The following ZFHX4 variants were observed in gnomAD, a reference collection of about 807,000 sequenced individuals.
ZFHX4 encodes the protein zinc finger homeobox 4, also known as zinc finger homeobox protein 4.
ZFHX4 carries 56 observed loss-of-function variants against 267.6 expected under a neutral mutation model. That is an observed-to-expected ratio of 0.21 (90% CI 0.17 to 0.26). The LOEUF is 0.26. Ranked by LOEUF, ZFHX4 falls within the 10% of genes least tolerant of loss-of-function variation. The pLI is 1.00. For synonymous variants in ZFHX4, 1,778 were observed against 1,665.6 expected (o/e 1.07, Z -1.64); for missense variants, 4,332 against 4,420.0 (o/e 0.98, Z 0.56).
At chr8:76,741,258 A>G (rs1411213242) in intron 3 of ZFHX4, among the ~76,000 whole-genome samples, 1 of 152,234 alleles carries the variant, frequency 6.6e-6, no homozygotes, top group Non-Finnish European at 1.5e-5. Flanking sequence ...AGAGAAGTTT[A>G]GCCATGAAGC....
In ZFHX4 at chr8:76,864,271, T is replaced by C; in HGVS notation, c.10557T>C (p.Ser3519=). 6.2e-7 allele frequency: 1 copy of C among 1,613,954 alleles called. No individual in the cohort carries two copies. The highest frequency in any genetic ancestry group is 8.5e-7 in the Non-Finnish European group (1 of 1,179,862). The change falls in exon 11 of 11, where the codon TCT becomes TCC. Residue 3519 remains serine, a synonymous_variant. Coordinates refer to ENST00000651372, the MANE Select transcript of ZFHX4 (RefSeq NM_024721.5). ...CTAATAACACCTATCCTCATCTTTC[T>C]TGCTTCTCCATGAAGTCCTGGCCTA... ...ASSNNTYPHL[S]CFSMKSWPNI... is the part of the protein sequence containing the mutation.
intron 4 of ZFHX4, among the ~76,000 whole-genome samples, chr8:76,788,311 C>G (rs1810746628): frequency 6.6e-6 from 1 of 152,160 alleles, no homozygotes; most frequent in African/African-American, 2.4e-5. Flanking sequence ...TATAGGCTAG[C>G]ATTTATTCTG....
chr8:76,802,116 T>C (rs962436343), intron 4 of ZFHX4, among the ~76,000 whole-genome samples: 1 of 152,158 alleles, frequency 6.6e-6, no homozygotes, highest in Non-Finnish European at 1.5e-5. Flanking sequence ...ATAATCAGCA[T>C]TGTGAAATTG....
intron 5 of ZFHX4, among the ~76,000 whole-genome samples, chr8:76,836,537 C>T (rs72659521): frequency 0.065 from 9,870 of 151,914 alleles, 449 homozygotes; most frequent in South Asian, 0.13. Flanking sequence ...CGAAAATGTA[C>T]GTCAGAGTTT....
In ZFHX4 at chr8:76,706,475, T is replaced by C. The variant is rs1808275735; in HGVS notation, c.2387T>C (p.Met796Thr). ...MTSEKHMHNM[M>T]LLQQNMKQIQ... is the part of the protein sequence containing the mutation. ...AGCGAAAAGCACATGCATAATATGA[T>C]GCTTTTGCAGCAGAACATGAAGCAG... Residue 796 changes from methionine to threonine, a missense_variant, in exon 2 of 11, where the codon ATG (methionine) becomes ACG (threonine). Physicochemically the swap from Met to Thr is moderately conservative, Grantham distance 81. Coordinates refer to ENST00000651372, the MANE Select transcript of ZFHX4 (RefSeq NM_024721.5). 2 of 1,614,080 alleles carry C rather than the reference T, an allele frequency of 1.2e-6. No homozygotes were observed. Among genetic ancestry groups the C allele is most frequent in the Non-Finnish European group, 1.7e-6 (2 of 1,179,964 alleles).
chr8:76,863,374 A>G lies in ZFHX4; in HGVS notation c.9660A>G (p.Glu3220=). 1.2e-6 allele frequency: 2 copies of G among 1,613,962 alleles called. No homozygotes were observed. Among genetic ancestry groups the G allele is most frequent in the Non-Finnish European group, 1.7e-6 (2 of 1,179,864 alleles). The stretch of plus-strand genomic sequence containing the variant: ...CCGAAAAACACCCCAAAAAAGAGGA[A>G]AAAATCTCATCTGCTCTTTCAGTGT... ...TKPEKHPKKE[E]KISSALSVLG... The change falls in exon 11 of 11, where the codon GAA becomes GAG. Residue 3220 remains glutamate, a synonymous_variant. Coordinates refer to ENST00000651372, the MANE Select transcript of ZFHX4 (RefSeq NM_024721.5).
At position 76,708,072 on chromosome 8, in the gene ZFHX4, T is replaced by C. The variant is rs770474570; in HGVS notation, c.3093+24T>C. 1.4e-5 allele frequency: 23 copies of C among 1,610,966 alleles called. No individual in the cohort carries two copies. The Middle Eastern group carries it at 4.9e-4, about 35-fold the overall frequency. The stretch of plus-strand genomic sequence containing the variant: ...AGGTAAGCAGTGACATCCATTTCCG[T>C]TGGCACAGAGTAGAAAAGGGAATTA... On this transcript the variant is annotated intron_variant, in intron 3 of 10. Coordinates refer to ENST00000651372, the MANE Select transcript of ZFHX4 (RefSeq NM_024721.5).
At chr8:76,818,071 A>G (rs1324113245) in intron 4 of ZFHX4, among the ~76,000 whole-genome samples, 1 of 152,220 alleles carries the variant, frequency 6.6e-6, no homozygotes, top group Non-Finnish European at 1.5e-5. Flanking sequence ...ACTTGTCACC[A>G]TAAACCAGGT....
At chr8:76,749,112 T>C (rs1412593867) in intron 3 of ZFHX4, among the ~76,000 whole-genome samples, 3 of 152,208 alleles carry the variant, frequency 2.0e-5, no homozygotes, top group Non-Finnish European at 4.4e-5. Flanking sequence ...CAATCCAAGC[T>C]TTCTTTAAAG....
At chr8:76,717,002 T>A (rs1253284156) in intron 3 of ZFHX4, among the ~76,000 whole-genome samples, 1 of 152,196 alleles carries the variant, frequency 6.6e-6, no homozygotes, top group East Asian at 1.9e-4. Flanking sequence ...GGTACCCTGC[T>A]GACCTGAAAG....
Position 76,705,005 on chromosome 8 carries a change from A to G in ZFHX4, c.917A>G (p.Asn306Ser), listed in dbSNP as rs1037238862. The G allele has an allele frequency of 3.7e-6, 6 of 1,613,866 alleles. No homozygotes were observed. The highest frequency in any genetic ancestry group is 2.2e-5 in the East Asian group (1 of 44,878). ...HAVHDHRMTL[N>S]DEEQKLLSNK... ...GTGCATGATCATCGGATGACCCTCA[A>G]TGACGAGGAGCAGAAGCTCCTCAGT... Residue 306 changes from asparagine to serine, a missense_variant, in exon 2 of 11, where the codon AAT (asparagine) becomes AGT (serine). Physicochemically the swap from Asn to Ser is conservative, Grantham distance 46. Around this residue, in one of 7 missense-constraint regions of ZFHX4, gnomAD observed 1,195 missense variants for 1,173.6 expected, o/e 1.02. Coordinates refer to ENST00000651372, the MANE Select transcript of ZFHX4 (RefSeq NM_024721.5).
chr8:76,810,598 G>C (rs562188284), intron 4 of ZFHX4, among the ~76,000 whole-genome samples: 1 of 152,152 alleles, frequency 6.6e-6, no homozygotes, highest in African/African-American at 2.4e-5. Flanking sequence ...TACAGGTCAC[G>C]TTAGAAGGGT....
At chr8:76,698,289 G>A (rs903828302) in intron 1 of ZFHX4, among the ~76,000 whole-genome samples, 5 of 152,028 alleles carry the variant, frequency 3.3e-5, no homozygotes, top group Non-Finnish European at 7.4e-5. Context: ...TTTTCCTGAA[G>A]CAAACAAATA....
intron 1 of ZFHX4, 129 bp from the exon 2 acceptor site, chr8:76,703,914 G>A (rs1487786706): frequency 1.5e-5 from 10 of 667,050 alleles, no homozygotes; most frequent in African/African-American, 3.6e-5. Context: ...TAGGCACGCC[G>A]GTTTTAAGTT....
intron 3 of ZFHX4, among the ~76,000 whole-genome samples, chr8:76,744,613 G>C (rs930397297): frequency 1.3e-5 from 2 of 151,898 alleles, no homozygotes; most frequent in Admixed American, 6.6e-5. Flanking sequence ...GGGTTTCACC[G>C]TGTTGGCCAG....
chr8:76,810,309 T>G (rs1811345386), intron 4 of ZFHX4, among the ~76,000 whole-genome samples: 1 of 152,170 alleles, frequency 6.6e-6, no homozygotes, highest in African/African-American at 2.4e-5. Flanking sequence ...GTGAAGATGC[T>G]GTGTCTAGGA....
chr8:76,836,292 G>C (rs752706013), intron 5 of ZFHX4, among the ~76,000 whole-genome samples: 1 of 152,132 alleles, frequency 6.6e-6, no homozygotes, highest in Non-Finnish European at 1.5e-5. Flanking sequence ...GTGCAACCAA[G>C]GAACTTGTAA....
intron 4 of ZFHX4, among the ~76,000 whole-genome samples, chr8:76,828,267 ATT>A (rs745943220): frequency 2.8e-5 from 4 of 145,394 alleles, no homozygotes; most frequent in African/African-American, 2.5e-5. Context: ...GATGTGAGCT[ATT>A]TTTTTTTTTT....
chr8:76,731,344 A>C (rs1176321004), intron 3 of ZFHX4, among the ~76,000 whole-genome samples: 1 of 152,204 alleles, frequency 6.6e-6, no homozygotes, highest in African/African-American at 2.4e-5. Flanking sequence ...TTGGCTCGAT[A>C]CTAGCAGGAT....
Sources: allele counts gnomAD v4.1 joint callset (sites outside exome capture counted in the v4.1 genomes callset), GRCh38; gene constraint gnomAD v4.1.1; regional missense constraint gnomAD v4.1.1; transcripts MANE v1.5; gene names NCBI Gene and HGNC (gene_info 2026-07-23, HGNC 2026-07-21).